Variants in KGD4 observed in about 807,000 individuals in gnomAD.
KGD4 encodes alpha-ketoglutarate dehydrogenase subunit 4.
the KGD4 span, among the ~76,000 whole-genome samples, chr5:69,221,489 CA>C: frequency 2.0e-5 from 3 of 152,122 alleles, no homozygotes; most frequent in African/African-American, 4.8e-5. Flanking sequence ...AAGAGATAGT[CA>C]ACTGATCTTT....
At chr5:69,222,165 T>A in the KGD4 span, among the ~76,000 whole-genome samples, 1 of 151,966 alleles carries the variant, frequency 6.6e-6, no homozygotes, top group African/African-American at 2.4e-5. Flanking sequence ...TCTCTGACTG[T>A]CCAGGAGCTT....
the KGD4 span, among the ~76,000 whole-genome samples, chr5:69,220,547 C>T: frequency 1.4e-3 from 218 of 151,780 alleles, no homozygotes; most frequent in African/African-American, 5.1e-3. Flanking sequence ...TCTGCCCGGC[C>T]GCCCCGTCTG....
chr5:69,218,027 G>A, the KGD4 span: 1 of 1,226,646 alleles, frequency 8.2e-7, no homozygotes. Context: ...GTGAGGATGG[G>A]ACTTTGAGCC....
chr5:69,219,776 A>G, the KGD4 span, among the ~76,000 whole-genome samples: 1 of 152,152 alleles, frequency 6.6e-6, no homozygotes, highest in Non-Finnish European at 1.5e-5. Flanking sequence ...AGTGAACCAC[A>G]ATCACCCCAC....
At chr5:69,228,239 C>A in the KGD4 span, 1 of 1,602,190 alleles carries the variant, frequency 6.2e-7, no homozygotes. Context: ...CCATCTCACT[C>A]TTCTGTAATT....
At chr5:69,228,276 A>G in the KGD4 span, 1 of 1,610,506 alleles carries the variant, frequency 6.2e-7, no homozygotes, top group South Asian at 1.1e-5. Flanking sequence ...GAAGTAAATC[A>G]CCAGATTTGC....
chr5:69,217,798 CG>C, the KGD4 span: 1 of 1,613,012 alleles, frequency 6.2e-7, no homozygotes, highest in Non-Finnish European at 8.5e-7. Flanking sequence ...GCGGCTCGCT[CG>C]CGCCCCGGAA....
At chr5:69,228,155 T>G in the KGD4 span, 3 of 1,450,714 alleles carry the variant, frequency 2.1e-6, no homozygotes, top group South Asian at 2.8e-5. Flanking sequence ...TATTTTGACA[T>G]CTGAACAATT....
chr5:69,227,565 T>C, the KGD4 span, among the ~76,000 whole-genome samples: 6 of 152,210 alleles, frequency 3.9e-5, no homozygotes, highest in Non-Finnish European at 5.9e-5. Flanking sequence ...TATAGGTATA[T>C]TTTTAACTTA....
At chr5:69,224,326 G>C in the KGD4 span, among the ~76,000 whole-genome samples, 1 of 151,912 alleles carries the variant, frequency 6.6e-6, no homozygotes, top group Non-Finnish European at 1.5e-5. Context: ...GGGAGGCGGA[G>C]GTTGCAGTGA....
At chr5:69,228,321 A>G in the KGD4 span, 1 of 1,604,650 alleles carries the variant, frequency 6.2e-7, no homozygotes, top group African/African-American at 1.3e-5. Flanking sequence ...CTGCAGAAAT[A>G]ATAAAAACAT....
chr5:69,221,238 G>C, the KGD4 span, among the ~76,000 whole-genome samples: 1 of 151,742 alleles, frequency 6.6e-6, no homozygotes, highest in African/African-American at 2.4e-5. Context: ...GTGTGGGTGT[G>C]TACCTGTAGT....
At chr5:69,227,829 C>T in the KGD4 span, among the ~76,000 whole-genome samples, 1 of 152,198 alleles carries the variant, frequency 6.6e-6, no homozygotes, top group Non-Finnish European at 1.5e-5. Context: ...TGCCCCTTAG[C>T]TGGGTGCAGT....
the KGD4 span, among the ~76,000 whole-genome samples, chr5:69,224,260 G>A: frequency 1.1e-4 from 17 of 151,704 alleles, no homozygotes; most frequent in East Asian, 7.8e-4. Flanking sequence ...GTGTGGTGGC[G>A]CAGGCCTGTA....
the KGD4 span, chr5:69,226,447 ATATT>A: frequency 8.1e-7 from 1 of 1,240,352 alleles, no homozygotes; most frequent in East Asian, 2.4e-5. Context: ...GTGTACATGA[ATATT>A]TATAAATGAG....
At chr5:69,218,120 T>C in the KGD4 span, 1 of 570,760 alleles carries the variant, frequency 1.8e-6, no homozygotes. Flanking sequence ...AGGTAGGTCC[T>C]GTACCTACTG....
the KGD4 span, among the ~76,000 whole-genome samples, chr5:69,223,074 C>CTTTTTTTTTT: frequency 1.1e-3 from 67 of 59,130 alleles, 10 homozygotes; most frequent in African/African-American, 2.3e-3. Context: ...CGGTGCGCAG[C>CTTTTTTTTTT]TTTTTTTTTT....
chr5:69,228,439 G>A, the KGD4 span: 1 of 1,512,100 alleles, frequency 6.6e-7, no homozygotes, highest in Non-Finnish European at 8.9e-7. Context: ...TAACATTTGG[G>A]CTTTGGGGAT....
chr5:69,221,444 C>T, the KGD4 span, among the ~76,000 whole-genome samples: 5 of 152,108 alleles, frequency 3.3e-5, no homozygotes, highest in Non-Finnish European at 7.3e-5. Flanking sequence ...TTATAAGAGG[C>T]ATAGCTAAAA....
Sources: gnomAD v4.1 joint callset for allele counts (sites outside exome capture counted in the v4.1 genomes callset) on GRCh38, gnomAD v4.1.1 for gene constraint, MANE v1.5 for transcripts, NCBI Gene and HGNC (gene_info 2026-07-23, HGNC 2026-07-21) for gene names.